The following EIF4E1B variants were observed in gnomAD, a reference collection of about 807,000 sequenced individuals.
EIF4E1B encodes eukaryotic translation initiation factor 4E type 1B.
In EIF4E1B, 22 loss-of-function variants were observed where a neutral mutation model predicts 31.3. That is an observed-to-expected ratio of 0.70 (90% confidence interval 0.50 to 1.00). EIF4E1B has a LOEUF of 1.00. Among genes scored for constraint, EIF4E1B ranks in the 50% least tolerant of loss-of-function variants. The probability of loss-of-function intolerance (pLI) is 0.00; values close to 1 mark genes in which losing one functional copy is unlikely to be tolerated. For missense variants in EIF4E1B, 290 were observed against 311.6 expected (o/e 0.93, Z 0.52); for synonymous variants, 126 against 120.2 (o/e 1.05, Z -0.31).
intron 4 of EIF4E1B, 133 bp from the exon 5 acceptor site, chr5:176,643,505 AG>A (rs1176221221): frequency 1.1e-6 from 1 of 909,462 alleles, no homozygotes; most frequent in African/African-American, 1.7e-5. Flanking sequence ...TTCACCTGAG[AG>A]GGGAATGCTG....
At chr5:176,635,114 A>G (rs1221397743) in intron 1 of EIF4E1B, among the ~76,000 whole-genome samples, 1 of 151,950 alleles carries the variant, frequency 6.6e-6, no homozygotes, top group Non-Finnish European at 1.5e-5. Context: ...AAAAGAAGAG[A>G]GTGCCCGGAA....
chr5:176,642,861 C>CCCCT (rs1554151077), intron 3 of EIF4E1B, 59 bp downstream of exon 3: 1 of 1,123,526 alleles, frequency 8.9e-7, no homozygotes, highest in Non-Finnish European at 1.2e-6. Context: ...TCCCCCCCCC[C>CCCCT]CCCCGCCCCA....
At chr5:176,637,887 GCCATCA>G (rs1181292345) in intron 1 of EIF4E1B, among the ~76,000 whole-genome samples, 2 of 152,150 alleles carry the variant, frequency 1.3e-5, no homozygotes, top group African/African-American at 2.4e-5. Flanking sequence ...CAGTTCAGAG[GCCATCA>G]CCATCACACA....
chr5:176,637,024 G>C (rs887221160), intron 1 of EIF4E1B, among the ~76,000 whole-genome samples: 1 of 152,234 alleles, frequency 6.6e-6, no homozygotes, highest in Admixed American at 6.5e-5. Flanking sequence ...TCTTGTAAAA[G>C]TCGTCAGCGA....
intron 3 of EIF4E1B, 139 bp downstream of exon 3, chr5:176,642,941 T>C (rs1484696739): frequency 7.1e-7 from 1 of 1,416,592 alleles, no homozygotes; most frequent in Non-Finnish European, 9.3e-7. Flanking sequence ...GGGTCCTCCA[T>C]GGAGTTTGAG....
chr5:176,643,264 C>G lies in EIF4E1B; in HGVS notation c.198C>G (p.Asn66Lys), dbSNP rs1040708758. ...EVKLELHPLQ[N>K]RWALWFFKND... ...AGCTGGAGCTGCACCCCTTGCAGAACAGGTAGGCAGGAGCCTGCGAGTGGA... is the reference window on the plus strand; with the variant it reads ...AGCTGGAGCTGCACCCCTTGCAGAAGAGGTAGGCAGGAGCCTGCGAGTGGA... Residue 66 changes from asparagine (N) to lysine (K), a missense_variant and splice_region_variant, in exon 4 of 9, where the codon AAC (asparagine) becomes AAG (lysine). Transcript: ENST00000318682. 1.2e-6 allele frequency: 2 copies of G among 1,611,648 alleles called. No individual in the cohort carries two copies. Among genetic ancestry groups the G allele is most frequent in the South Asian group, 2.2e-5 (2 of 91,008 alleles).
rs185477030 is a variant in EIF4E1B, at chr5:176,646,038, T to C, written c.*58T>C. 1.9e-3 allele frequency: 2,741 copies of C among 1,461,800 alleles called. 5 individuals are homozygous for C. The highest frequency in any genetic ancestry group is 2.4e-3 in the Non-Finnish European group (2,544 of 1,066,508). The allele number at this position is 1,461,800 out of a possible 1,614,324, so 90.6% of individuals were successfully genotyped here. A position where few individuals can be genotyped will look rare whatever the true frequency, so the allele number is the denominator to read the frequency against. On this transcript the variant is annotated 3_prime_UTR_variant, in exon 9 of 9. Transcript: ENST00000318682. ...ACAGCCGCCACTGAGCCTCATTACT[T>C]TGGGGGATGGGGCGGGACTGGGGAT...
rs1581184856 is a variant in EIF4E1B at position 176,638,312 on chromosome 5, C to T, written c.-201-3731C>T. 6.6e-6 allele frequency among the ~76,000 whole-genome samples: 1 copy of T among 152,158 alleles called. No homozygotes were observed. On this transcript the variant is annotated intron_variant, in intron 1 of 8. Coordinates refer to ENST00000318682, the MANE Select transcript of EIF4E1B (RefSeq NM_001099408.2). This position sits in a 1 kb window ranked among gnomAD's most constrained non-coding sequence, Gnocchi z 4.3. Reference sequence around the variant, plus strand: ...GTACTGACAGAACAGACAAGAGGTCCCAGGGCTTAGTCCTAGGGCCTTCTG... The same window carrying T: ...GTACTGACAGAACAGACAAGAGGTCTCAGGGCTTAGTCCTAGGGCCTTCTG...
At chr5:176,643,385 C>T (rs1348456829) in intron 4 of EIF4E1B, 119 bp downstream of exon 4, 7 of 1,285,034 alleles carry the variant, frequency 5.4e-6, no homozygotes, top group African/African-American at 1.5e-5. Context: ...CGTGGGAGGC[C>T]AGGGCTGACC....
Position 176,638,764 on chromosome 5 carries a change from GGTTTGTTT to G in EIF4E1B, c.-201-3258_-201-3251del, listed in dbSNP as rs61081946. ...TGGATCACATCCTGGGTGTCCTGGA[GGTTTGTTT>G]GTTTGTTTGTTTGTTTGTTTAAATG... On this transcript the variant is annotated intron_variant, in intron 1 of 8. Coordinates refer to ENST00000318682, the MANE Select transcript of EIF4E1B (RefSeq NM_001099408.2). The surrounding 1 kb of genome is among the most constrained non-coding windows in gnomAD (Gnocchi z 4.3). Among the ~76,000 whole-genome samples, 937 of 152,012 alleles carry G rather than the reference GGTTTGTTT, an allele frequency of 6.2e-3. 9 individuals carry two copies. The highest frequency in any genetic ancestry group is 0.022 in the African/African-American group (895 of 41,330).
chr5:176,636,303 G>A (rs2113439998), intron 1 of EIF4E1B, among the ~76,000 whole-genome samples: 1 of 152,366 alleles, frequency 6.6e-6, no homozygotes, highest in Admixed American at 6.5e-5. Context: ...CCAGTGGCCA[G>A]TGGCCACCTG....
At chr5:176,633,327 G>C (rs1456832014) in intron 1 of EIF4E1B, among the ~76,000 whole-genome samples, 1 of 152,090 alleles carries the variant, frequency 6.6e-6, no homozygotes, top group Non-Finnish European at 1.5e-5. Flanking sequence ...TCGAACTCCT[G>C]GTCTCAAGTG....
Position 176,646,407 on chromosome 5 carries a change from G to GA in EIF4E1B, c.*428dup, listed in dbSNP as rs1328491427. The stretch of plus-strand genomic sequence containing the variant: ...GAGGGTGAACGCCATCATTTGTACA[G>GA]AGGGATACGTGGGTTGCTGAGGACT... On this transcript the variant is annotated 3_prime_UTR_variant, in exon 9 of 9. Coordinates refer to ENST00000318682, the MANE Select transcript of EIF4E1B (RefSeq NM_001099408.2). The GA allele has an allele frequency of 1.2e-5, 2 of 173,716 alleles. No individual in the cohort carries two copies. Among genetic ancestry groups the GA allele is most frequent in the Admixed American group, 5.6e-5 (1 of 17,720 alleles). The allele number at this position is 173,716 out of a possible 1,614,324, so 10.8% of individuals were successfully genotyped here.
In EIF4E1B at chr5:176,645,656, G is replaced by A; in HGVS notation, c.614+140G>A. On this transcript the variant is annotated intron_variant, in intron 8 of 8. Transcript: ENST00000318682. The surrounding 1 kb of genome is among the most constrained non-coding windows in gnomAD (Gnocchi z 5.4). ...TTCTGCCTTGCCCACCTGTATGGAA[G>A]GTCTGGCGTTCAGATTTCTAACTTT... 1 of 1,287,768 alleles carries A rather than the reference G, an allele frequency of 7.8e-7. No homozygotes were observed. The highest frequency in any genetic ancestry group is 2.6e-5 in the East Asian group (1 of 38,534). 79.8% of individuals were successfully genotyped at this position (1,287,768 alleles called of 1,614,324 possible).
At chr5:176,643,967 A>T in intron 5 of EIF4E1B, 1 of 575,818 alleles carries the variant, frequency 1.7e-6, no homozygotes, top group Non-Finnish European at 3.1e-6. Flanking sequence ...TGACTCGGCC[A>T]CTCCAGGGCT....
Position 176,643,159 on chromosome 5 carries a change from A to G in EIF4E1B, c.93A>G (p.Thr31=), listed in dbSNP as rs377048006. The G allele has an allele frequency of 3.7e-6, 6 of 1,613,766 alleles. No individual in the cohort carries two copies. The highest frequency in any genetic ancestry group is 5.1e-6 in the Non-Finnish European group (6 of 1,179,886). ...KEEEAAERTP[T]GEKSPNSPRT... ...AGGAGGCAGCAGAGAGGACGCCCAC[A>G]GGAGAAAAGTCTCCAAACTCTCCCA... The change falls in exon 4 of 9, where the codon ACA becomes ACG. Residue 31 remains threonine, a synonymous_variant. Transcript: ENST00000318682.
At chr5:176,631,608 T>C (rs1196775153) in intron 1 of EIF4E1B, among the ~76,000 whole-genome samples, 1 of 143,928 alleles carries the variant, frequency 6.9e-6, no homozygotes, top group African/African-American at 2.6e-5. Context: ...GGTGTGTAAG[T>C]GACAGGTAAT....
At chr5:176,634,668 T>TTTTC (rs1760465281) in intron 1 of EIF4E1B, among the ~76,000 whole-genome samples, 1 of 138,406 alleles carries the variant, frequency 7.2e-6, no homozygotes, top group Non-Finnish European at 1.6e-5. Context: ...AGTTTTTTTT[T>TTTTC]TTTTCTTTTT....
At chr5:176,643,359 G>A in intron 4 of EIF4E1B, 93 bp downstream of exon 4, 1 of 1,441,856 alleles carries the variant, frequency 6.9e-7, no homozygotes, top group South Asian at 1.4e-5. Flanking sequence ...GCCTCTCTTG[G>A]CCCTAGCTCT....
Sources: allele counts gnomAD v4.1 joint callset (sites outside exome capture counted in the v4.1 genomes callset), GRCh38; gene constraint gnomAD v4.1.1; non-coding constraint Gnocchi (gnomAD v3.1); transcripts MANE v1.5; gene names NCBI Gene and HGNC (gene_info 2026-07-23, HGNC 2026-07-21).